CFAP418: variants seen among roughly 807,000 people sequenced by gnomAD.
The protein encoded by CFAP418 is cilia and flagella associated protein 418.
In CFAP418, 27 loss-of-function variants were observed where a neutral mutation model predicts 24.7. That is an observed-to-expected ratio of 1.09 (90% CI 0.81 to 1.51). The LOEUF (loss-of-function observed/expected upper bound fraction) is 1.51. Among genes scored for constraint, CFAP418 ranks in the 40% most tolerant of loss-of-function variants. The probability of loss-of-function intolerance (pLI) is 0.00; values close to 1 mark genes in which losing one functional copy is unlikely to be tolerated. For synonymous variants in CFAP418, 74 were observed against 87.3 expected (o/e 0.85, Z 0.85); for missense variants, 257 against 255.2 (o/e 1.01, Z -0.05).
Position 95,250,742 on chromosome 8 carries a change from T to C in CFAP418, c.470+1446A>G, listed in dbSNP as rs111638495. Among the ~76,000 whole-genome samples, 1,344 of 152,324 alleles carry C rather than the reference T, an allele frequency of 8.8e-3. 23 individuals are homozygous for C. The highest frequency in any genetic ancestry group is 0.031 in the African/African-American group (1,299 of 41,570). Reference sequence around the variant, plus strand: ...CAGATTTTGGGAGTACATTAGGCTTTATTTGGGTTGGAAACTGTAAAATTT... The same window carrying C: ...CAGATTTTGGGAGTACATTAGGCTTCATTTGGGTTGGAAACTGTAAAATTT... On this transcript the variant is annotated intron_variant, in intron 5 of 5. Transcript: ENST00000286688.
Position 95,245,008 on chromosome 8 carries a change from G to C in CFAP418, c.*2609C>G, listed in dbSNP as rs1266582440. ...ACTTATTCATTTCTAGGCAGGATGA[G>C]GGTCTGAGAGTATAATACAGTTCAA... On this transcript the variant is annotated 3_prime_UTR_variant, in exon 6 of 6. Transcript: ENST00000286688. The C allele has an allele frequency of 1.3e-5, 2 of 151,930 alleles. No individual in the cohort carries two copies. The highest frequency in any genetic ancestry group is 2.4e-5 in the African/African-American group (1 of 41,414). The allele number at this position is 151,930 out of a possible 1,614,324, so 9.4% of individuals were successfully genotyped here. A position where few individuals can be genotyped will look rare whatever the true frequency, so the allele number is the denominator to read the frequency against.
At chr8:95,264,865 C>T (rs62524388) in intron 1 of CFAP418, among the ~76,000 whole-genome samples, 2 of 151,978 alleles carry the variant, frequency 1.3e-5, no homozygotes, top group Non-Finnish European at 1.5e-5. Context: ...TAACTTTTAC[C>T]CTTAATGTCT....
At chr8:95,253,594 ATTT>A (rs1811742313) in intron 4 of CFAP418, among the ~76,000 whole-genome samples, 21 of 152,336 alleles carry the variant, frequency 1.4e-4, no homozygotes, top group Admixed American at 9.8e-4. Context: ...AATGCTTTGT[ATTT>A]CTAAAAATAC....
intron 4 of CFAP418, among the ~76,000 whole-genome samples, chr8:95,257,665 A>G (rs1268178876): frequency 2.0e-5 from 3 of 152,226 alleles, no homozygotes; most frequent in African/African-American, 7.2e-5. Flanking sequence ...TATATAGCAC[A>G]ATGCTTACTC....
rs1811645078 is a variant in CFAP418 at position 95,247,756 on chromosome 8, TC to T, written c.484del (p.Glu162AsnfsTer5). 3.1e-6 allele frequency: 5 copies of T among 1,611,590 alleles called. No individual in the cohort carries two copies. The highest frequency in any genetic ancestry group is 4.2e-6 in the Non-Finnish European group (5 of 1,178,478). On this transcript the variant is annotated frameshift_variant, in exon 6 of 6. Coordinates refer to ENST00000286688, the MANE Select transcript of CFAP418 (RefSeq NM_177965.4). LOFTEE classifies it high-confidence loss of function. ...DYLFFRNNMP[E>X]FHKLKAKLIK... ...CAACTTTGCTTTTAATTTGTGAAAT[TC>T]TGGCATGTTGTTCCTATTAGTAAAA... is the stretch of plus-strand genomic sequence containing the variant.
intron 5 of CFAP418, among the ~76,000 whole-genome samples, chr8:95,248,869 A>G (rs1232574725): frequency 6.6e-6 from 1 of 152,204 alleles, no homozygotes; most frequent in Non-Finnish European, 1.5e-5. Context: ...AAGGCAGGCT[A>G]CAAAGTGCCC....
At chr8:95,264,039 G>C (rs2132164652) in intron 1 of CFAP418, among the ~76,000 whole-genome samples, 1 of 152,220 alleles carries the variant, frequency 6.6e-6, no homozygotes, top group East Asian at 1.9e-4. Context: ...TTATATTCAA[G>C]AGGAAGCTGG....
At chr8:95,259,705 ATTC>A in intron 4 of CFAP418, 132 bp downstream of exon 4, 1 of 701,756 alleles carries the variant, frequency 1.4e-6, no homozygotes, top group Non-Finnish European at 2.4e-6. Context: ...AAAACAAAGA[ATTC>A]TTAGATTAGC....
chr8:95,251,222 C>T (rs932436859), intron 5 of CFAP418, among the ~76,000 whole-genome samples: 8 of 152,166 alleles, frequency 5.3e-5, no homozygotes, highest in African/African-American at 1.4e-4. Context: ...AGGTCCAAAG[C>T]ACCGTGAATA....
At chr8:95,268,174 C>A (rs1357136757) in intron 1 of CFAP418, among the ~76,000 whole-genome samples, 4 of 152,122 alleles carry the variant, frequency 2.6e-5, no homozygotes, top group African/African-American at 9.7e-5. Flanking sequence ...GAGTCAGGTG[C>A]GATGGCTCGC....
At chr8:95,254,794 G>C (rs990753953) in intron 4 of CFAP418, among the ~76,000 whole-genome samples, 3 of 152,096 alleles carry the variant, frequency 2.0e-5, no homozygotes, top group African/African-American at 7.2e-5. Flanking sequence ...ATATTACATG[G>C]CTTTCTGCTA....
At chr8:95,259,960 G>T in intron 3 of CFAP418, 55 bp from the exon 4 acceptor site, 1 of 1,467,158 alleles carries the variant, frequency 6.8e-7, no homozygotes, top group Non-Finnish European at 9.2e-7. Flanking sequence ...AATAGGAGAA[G>T]TTAATTTGGC....
chr8:95,266,287 A>G (rs1040721167), intron 1 of CFAP418, among the ~76,000 whole-genome samples: 2 of 152,186 alleles, frequency 1.3e-5, no homozygotes, highest in East Asian at 3.8e-4. Context: ...ATCATCCTGA[A>G]CCACTTTATT....
chr8:95,261,493 T>A (rs150243561), intron 2 of CFAP418, among the ~76,000 whole-genome samples: 1 of 152,128 alleles, frequency 6.6e-6, no homozygotes, highest in Non-Finnish European at 1.5e-5. Flanking sequence ...AGTTCAGAAA[T>A]GCGACAGAAT....
chr8:95,256,882 G>GT (rs1402302402), intron 4 of CFAP418, among the ~76,000 whole-genome samples: 1 of 152,178 alleles, frequency 6.6e-6, no homozygotes, highest in East Asian at 1.9e-4. Flanking sequence ...AAGCATCCCA[G>GT]TGGCAGTGGA....
chr8:95,261,241 T>C (rs1487818564), intron 2 of CFAP418, among the ~76,000 whole-genome samples: 1 of 152,186 alleles, frequency 6.6e-6, no homozygotes, highest in Non-Finnish European at 1.5e-5. Context: ...TCATTTTACA[T>C]AGTGGGTGAG....
intron 5 of CFAP418, among the ~76,000 whole-genome samples, chr8:95,248,106 T>A (rs1229993488): frequency 6.6e-6 from 1 of 152,162 alleles, no homozygotes; most frequent in East Asian, 1.9e-4. Context: ...CCTCCCAAAG[T>A]GCTGAGATTG....
rs759868148 is a variant in CFAP418, at chr8:95,269,061, G to T, written c.129C>A (p.Asn43Lys). The change falls in exon 1 of 6, where the codon AAC becomes AAA. Residue 43 changes from asparagine (N) to lysine (K), a missense_variant. Asn to Lys is a moderately conservative substitution (Grantham distance 94). Transcript: ENST00000286688. ...CGGGTHSSDR[N>K]QAKAKETLRS... ...TGAGCGTCTCTTTCGCCTTGGCTTG[G>T]TTCCGGTCGCTACTGTGGGTGCCGC... is the stretch of plus-strand genomic sequence containing the variant. The T allele has an allele frequency of 1.2e-6, 2 of 1,614,030 alleles. No homozygotes were observed. The highest frequency in any genetic ancestry group is 2.7e-5 in the African/African-American group (2 of 74,924).
intron 1 of CFAP418, among the ~76,000 whole-genome samples, chr8:95,264,400 T>G (rs1387756368): frequency 6.6e-6 from 1 of 152,208 alleles, no homozygotes; most frequent in Non-Finnish European, 1.5e-5. Flanking sequence ...AAATAGTAAG[T>G]ATTTACTGAA....
Sources: gnomAD v4.1 joint callset for allele counts (sites outside exome capture counted in the v4.1 genomes callset) on GRCh38, gnomAD v4.1.1 for gene constraint, MANE v1.5 for transcripts, NCBI Gene and HGNC (gene_info 2026-07-23, HGNC 2026-07-21) for gene names.